Variants in MTCH2 observed in about 807,000 individuals in gnomAD.
MTCH2 encodes the protein mitochondrial carrier 2, also known as mitochondrial carrier homolog 2.
MTCH2 carries 25 observed loss-of-function variants against 50.6 expected under a neutral mutation model. The observed-to-expected ratio is 0.49, with a 90% CI of 0.36 to 0.69. The LOEUF (loss-of-function observed/expected upper bound fraction) is 0.69, where lower values mean the gene tolerates loss of function less well. Ranked by LOEUF, MTCH2 falls within the 30% of genes least tolerant of loss-of-function variation. The probability of loss-of-function intolerance (pLI) is 0.00; values close to 1 mark genes in which losing one functional copy is unlikely to be tolerated. For synonymous variants in MTCH2, 106 were observed against 132.0 expected (o/e 0.80, Z 1.35); for missense variants, 273 against 384.4 (o/e 0.71, Z 2.42).
chr11:47,624,231 C>CAAAAAA (rs530030153), intron 11 of MTCH2, among the ~76,000 whole-genome samples: 1 of 62,102 alleles, frequency 1.6e-5, no homozygotes. Context: ...GACTCCATCT[C>CAAAAAA]AAAAAAAAAA....
downstream of MTCH2, among the ~76,000 whole-genome samples, chr11:47,613,180 T>C (rs993806541): frequency 6.6e-6 from 1 of 151,896 alleles, no homozygotes. Flanking sequence ...AGTGCTGGGA[T>C]TGGCTGGGCA....
intron 11 of MTCH2, among the ~76,000 whole-genome samples, chr11:47,623,584 C>T (rs2097295292): frequency 6.6e-6 from 1 of 152,074 alleles, no homozygotes; most frequent in African/African-American, 2.4e-5. Context: ...ATGGCAGTTG[C>T]TCTACGTATC....
At chr11:47,615,300 C>T (rs1315444907), downstream of MTCH2, among the ~76,000 whole-genome samples, 1 of 152,014 alleles carries the variant, frequency 6.6e-6, no homozygotes, top group Non-Finnish European at 1.5e-5. Context: ...ATATTTTTCC[C>T]CCACAGATTT....
intron 1 of MTCH2, among the ~76,000 whole-genome samples, chr11:47,640,264 G>C (rs1459632480): frequency 6.6e-6 from 1 of 152,000 alleles, no homozygotes; most frequent in Non-Finnish European, 1.5e-5. Flanking sequence ...GGGAGGCGGA[G>C]GTTGCAGTGA....
At chr11:47,641,870 G>C (rs529722556) in intron 1 of MTCH2, among the ~76,000 whole-genome samples, 2 of 151,458 alleles carry the variant, frequency 1.3e-5, no homozygotes, top group Non-Finnish European at 2.9e-5. Context: ...CGAAAACCTC[G>C]GAACAGAAAA....
Position 47,642,426 on chromosome 11 carries a change from G to C in MTCH2, c.40C>G (p.Leu14Val). The change falls in exon 1 of 13, where the codon CTC (leucine) becomes GTC (valine). Residue 14 changes from leucine to valine, a missense_variant. Leu to Val is a conservative substitution (Grantham distance 32). Transcript: ENST00000302503. ...AASQVLLGSG[L>V]TILSQPLMYV... ...ATGAGCGGCTGGGACAGGATGGTGA[G>C]ACCGGAGCCCAGGAGCACCTGACTG... The C allele has an allele frequency of 1.2e-6, 2 of 1,609,506 alleles. No individual in the cohort carries two copies. The highest frequency in any genetic ancestry group is 2.2e-5 in the South Asian group (2 of 90,356).
the MTCH2 span, among the ~76,000 whole-genome samples, chr11:47,606,349 C>T: frequency 6.6e-6 from 1 of 152,198 alleles, no homozygotes; most frequent in Non-Finnish European, 1.5e-5. Flanking sequence ...ACCCTGTCTT[C>T]TCCTTTTTCC....
chr11:47,617,963 T>G lies in MTCH2; in HGVS notation c.*870A>C, dbSNP rs1315608418. ...AAACTGAAGAACAAAAGATTATATA[T>G]AATTAGAACTGTATGGTGTAATTTA... is the stretch of plus-strand genomic sequence containing the variant. On this transcript the variant is annotated 3_prime_UTR_variant, in exon 13 of 13. Transcript: ENST00000302503. 1.3e-5 allele frequency: 2 copies of G among 152,190 alleles called. No homozygotes were observed. The highest frequency in any genetic ancestry group is 4.8e-5 in the African/African-American group (2 of 41,450). The allele number at this position is 152,190 out of a possible 1,614,324, so 9.4% of individuals were successfully genotyped here. A position where few individuals can be genotyped will look rare whatever the true frequency, so the allele number is the denominator to read the frequency against.
Position 47,638,221 on chromosome 11 carries a change from A to T in MTCH2, c.279+478T>A, listed in dbSNP as rs1480294721. ...ATACACAAACCTCTTTGGCTAGATGACAACTGCCTTTCCATATGTAAATTT... is the reference window on the plus strand; with the variant it reads ...ATACACAAACCTCTTTGGCTAGATGTCAACTGCCTTTCCATATGTAAATTT... On this transcript the variant is annotated intron_variant, in intron 3 of 12. Coordinates refer to ENST00000302503, the MANE Select transcript of MTCH2 (RefSeq NM_014342.4). Among the ~76,000 whole-genome samples the T allele has an allele frequency of 2.7e-5, 4 of 150,802 alleles. No homozygotes were observed. In the Admixed American group the frequency reaches 2.7e-4, roughly 10 times the overall value.
chr11:47,607,636 CA>C, the MTCH2 span, among the ~76,000 whole-genome samples: 4 of 152,152 alleles, frequency 2.6e-5, no homozygotes, highest in Admixed American at 6.5e-5. Context: ...TGGAGCTCTC[CA>C]AAGTGATTTT....
intron 7 of MTCH2, 61 bp from the exon 8 acceptor site, chr11:47,630,675 T>G: frequency 1.4e-6 from 2 of 1,449,830 alleles, no homozygotes; most frequent in Non-Finnish European, 1.9e-6. Context: ...ATAAACAAAA[T>G]AATTTCAATT....
downstream of MTCH2, among the ~76,000 whole-genome samples, chr11:47,613,475 T>G (rs935796771): frequency 6.6e-6 from 1 of 152,188 alleles, no homozygotes; most frequent in Non-Finnish European, 1.5e-5. Context: ...TGCTGACACA[T>G]AGATCAGTTT....
intron 3 of MTCH2, 118 bp from the exon 4 acceptor site, chr11:47,635,689 GT>G (rs772508663): frequency 0.012 from 8,523 of 687,256 alleles, no homozygotes; most frequent in South Asian, 0.018. Context: ...TAAAGTTTTT[GT>G]TTTTTTTTTT....
chr11:47,633,255 G>A (rs926542054), intron 5 of MTCH2, among the ~76,000 whole-genome samples: 11 of 147,344 alleles, frequency 7.5e-5, no homozygotes, highest in East Asian at 2.1e-4. Context: ...GACTACAGGC[G>A]CCTGCCACCA....
Position 47,642,543 on chromosome 11 carries a change from G to C in MTCH2, c.-78C>G, listed in dbSNP as rs1002912095. Reference sequence around the variant, plus strand: ...TGAGCCGGTCCTAGGTCACGTGCCAGGGCCGCCGGTTTCACTGGCCCGCCC... The same window carrying C: ...TGAGCCGGTCCTAGGTCACGTGCCACGGCCGCCGGTTTCACTGGCCCGCCC... On this transcript the variant is annotated 5_prime_UTR_variant, in exon 1 of 13. Coordinates refer to ENST00000302503, the MANE Select transcript of MTCH2 (RefSeq NM_014342.4). 11 of 1,353,630 alleles carry C rather than the reference G, an allele frequency of 8.1e-6. No individual in the cohort carries two copies. Among genetic ancestry groups the C allele is most frequent in the African/African-American group, 1.5e-5 (1 of 65,474 alleles). 83.9% of individuals were successfully genotyped at this position (1,353,630 alleles called of 1,614,324 possible).
intron 9 of MTCH2, 32 bp downstream of exon 9, chr11:47,628,921 G>C (rs772058951): frequency 4.4e-6 from 7 of 1,581,176 alleles, no homozygotes; most frequent in Non-Finnish European, 5.2e-6. Context: ...TTAAAGCCAA[G>C]GTGAGCACAT....
rs138747862 is a variant in MTCH2, at chr11:47,624,286, T to A, written c.749+1388A>T. On this transcript the variant is annotated intron_variant, in intron 11 of 12. Transcript: ENST00000302503. ...CCCAACTCAGTAGAGTCACTTGGCA[T>A]CTAGAATTTGGAAATCAATGGAGTC... Among the ~76,000 whole-genome samples, 730 of 150,052 alleles carry A rather than the reference T, an allele frequency of 4.9e-3. 8 individuals are homozygous for A. Among genetic ancestry groups the A allele is most frequent in the African/African-American group, 0.017 (708 of 40,758 alleles).
At chr11:47,620,308 A>C (rs1204104200) in intron 12 of MTCH2, among the ~76,000 whole-genome samples, 3 of 152,002 alleles carry the variant, frequency 2.0e-5, no homozygotes, top group Non-Finnish European at 4.4e-5. Context: ...CAAAAAACAA[A>C]AAACAAAAAA....
intron 3 of MTCH2, among the ~76,000 whole-genome samples, chr11:47,638,398 A>T (rs1422634174): frequency 1.4e-5 from 2 of 139,740 alleles, no homozygotes; most frequent in Non-Finnish European, 3.1e-5. Flanking sequence ...AAATACAAAA[A>T]ATTAGCCGGG....
Sources: gnomAD v4.1 joint callset for allele counts (sites outside exome capture counted in the v4.1 genomes callset) on GRCh38, gnomAD v4.1.1 for gene constraint, MANE v1.5 for transcripts, NCBI Gene and HGNC (gene_info 2026-07-23, HGNC 2026-07-21) for gene names.